Variants in DLGAP1 observed in about 807,000 individuals in gnomAD.
The protein encoded by DLGAP1 is disks large-associated protein 1.
DLGAP1 carries 11 observed loss-of-function variants against 90.8 expected under a neutral mutation model. That is an observed-to-expected ratio of 0.12 (90% CI 0.08 to 0.20). The LOEUF is 0.20. DLGAP1 is among the 10% of genes least tolerant of loss of function. DLGAP1 has a pLI of 1.00. For synonymous variants in DLGAP1, 558 were observed against 540.7 expected, an observed-to-expected ratio of 1.03 and a Z score of -0.44; for missense variants, 1,050 against 1,333.8, an observed-to-expected ratio of 0.79 and a Z score of 3.31.
chr18:3,577,646 A>G (rs2055236586), intron 8 of DLGAP1, among the ~76,000 whole-genome samples: 1 of 152,204 alleles, frequency 6.6e-6, no homozygotes, highest in African/African-American at 2.4e-5. Flanking sequence ...AATGGAGGAT[A>G]TTGTTCTCTG....
rs546936555 is a variant in DLGAP1 at position 4,421,934 on chromosome 18, G to A, written c.-267+33072C>T. On this transcript the variant is annotated intron_variant, in intron 1 of 12. Transcript: ENST00000315677. ...TCACCACGTTGGCCAGGCTGGTTTC[G>A]AACTCCTGACCTCAAGCAATCTGCC... 6.6e-5 allele frequency among the ~76,000 whole-genome samples: 10 copies of A among 152,074 alleles called. No homozygotes were observed. The South Asian group carries it at 8.3e-4, about 13-fold the overall frequency.
At chr18:4,297,459 GA>G (rs1193027322) in intron 1 of DLGAP1, among the ~76,000 whole-genome samples, 15 of 152,262 alleles carry the variant, frequency 9.9e-5, no homozygotes, top group African/African-American at 3.4e-4. Context: ...TACTTAATTA[GA>G]AATATAAAAT....
At chr18:3,848,895 T>C (rs2069177520) in intron 4 of DLGAP1, among the ~76,000 whole-genome samples, 1 of 152,190 alleles carries the variant, frequency 6.6e-6, no homozygotes, top group Non-Finnish European at 1.5e-5. Flanking sequence ...AAAGTAGATA[T>C]TAGCTTTCTT....
At chr18:3,833,391 G>T (rs1245159035) in intron 4 of DLGAP1, among the ~76,000 whole-genome samples, 1 of 151,740 alleles carries the variant, frequency 6.6e-6, no homozygotes, top group African/African-American at 2.4e-5. Context: ...ATGCCACCAC[G>T]CCCAGTTAAT....
chr18:3,837,849 CAAAAAAAAAAAAAA>C (rs5822770), intron 4 of DLGAP1, among the ~76,000 whole-genome samples: 19 of 26,820 alleles, frequency 7.1e-4, no homozygotes, highest in South Asian at 3.3e-3. Context: ...GAGATTCTGT[CAAAAAAAAAAAAAA>C]AAAAAAAAAA....
At chr18:4,137,920 T>C (rs1219051851) in intron 2 of DLGAP1, among the ~76,000 whole-genome samples, 1 of 152,210 alleles carries the variant, frequency 6.6e-6, no homozygotes, top group Non-Finnish European at 1.5e-5. Flanking sequence ...GATTGTTTGC[T>C]GTTGGCATAT....
At chr18:3,523,644 G>T (rs189901158) in intron 10 of DLGAP1, among the ~76,000 whole-genome samples, 8 of 151,640 alleles carry the variant, frequency 5.3e-5, no homozygotes, top group Admixed American at 2.0e-4. Flanking sequence ...TCAGGAGATC[G>T]AGACCATCCT....
intron 3 of DLGAP1, among the ~76,000 whole-genome samples, chr18:3,993,825 G>A (rs1170288992): frequency 2.6e-5 from 4 of 151,956 alleles, no homozygotes; most frequent in African/African-American, 4.8e-5. Flanking sequence ...CTTTTAAGTG[G>A]GCTTAAGACC....
At chr18:3,522,109 T>C (rs1359570674) in intron 10 of DLGAP1, among the ~76,000 whole-genome samples, 18 of 151,386 alleles carry the variant, frequency 1.2e-4, no homozygotes, top group Non-Finnish European at 2.4e-4. Flanking sequence ...CTTTTTTTTT[T>C]TACCCACTTG....
chr18:3,626,238 T>C (rs1180642605), intron 7 of DLGAP1, among the ~76,000 whole-genome samples: 1 of 145,088 alleles, frequency 6.9e-6, no homozygotes, highest in Non-Finnish European at 1.5e-5. Flanking sequence ...CTACAATGAG[T>C]AGTGATCGCG....
At chr18:3,943,330 C>A (rs1328014890) in intron 3 of DLGAP1, among the ~76,000 whole-genome samples, 1 of 152,080 alleles carries the variant, frequency 6.6e-6, no homozygotes, top group African/African-American at 2.4e-5. Context: ...GATCGCCAGG[C>A]TTTGCTGACT....
At chr18:3,841,987 G>A (rs570323540) in intron 4 of DLGAP1, among the ~76,000 whole-genome samples, 31 of 152,034 alleles carry the variant, frequency 2.0e-4, no homozygotes, top group Non-Finnish European at 2.4e-4. Context: ...TGCTATGAGA[G>A]CATATTGGGA....
intron 1 of DLGAP1, among the ~76,000 whole-genome samples, chr18:4,277,971 A>G (rs1282306621): frequency 6.6e-6 from 1 of 150,846 alleles, no homozygotes; most frequent in Non-Finnish European, 1.5e-5. Context: ...AGGAACCTGA[A>G]AAGTGGGAAA....
chr18:3,618,199 A>G (rs903583535), intron 7 of DLGAP1, among the ~76,000 whole-genome samples: 1 of 152,240 alleles, frequency 6.6e-6, no homozygotes, highest in African/African-American at 2.4e-5. Flanking sequence ...TGTTCCAGGA[A>G]GGACTTTGCA....
chr18:3,759,958 C>T (rs1193508740), intron 5 of DLGAP1, among the ~76,000 whole-genome samples: 2 of 152,190 alleles, frequency 1.3e-5, no homozygotes, highest in African/African-American at 4.8e-5. Flanking sequence ...GCCAGACACT[C>T]AGGATGCCGG....
At chr18:4,108,883 A>G (rs1654352219) in intron 2 of DLGAP1, among the ~76,000 whole-genome samples, 1 of 152,214 alleles carries the variant, frequency 6.6e-6, no homozygotes, top group African/African-American at 2.4e-5. Flanking sequence ...CTACCTCCAA[A>G]TAATGGAAGG....
At chr18:3,580,245 G>C (rs2055409917) in intron 8 of DLGAP1, 4 of 1,602,850 alleles carry the variant, frequency 2.5e-6, no homozygotes, top group Admixed American at 1.7e-5. Context: ...CATCTGAAAA[G>C]ACCAGTCAGT....
chr18:3,958,466 A>G (rs2073127161), intron 3 of DLGAP1, among the ~76,000 whole-genome samples: 1 of 151,336 alleles, frequency 6.6e-6, no homozygotes. Context: ...TAAGCAAAAA[A>G]AAAAAAAAAA....
intron 7 of DLGAP1, among the ~76,000 whole-genome samples, chr18:3,673,125 G>A (rs899096894): frequency 5.9e-5 from 9 of 152,034 alleles, no homozygotes; most frequent in Non-Finnish European, 1.2e-4. Flanking sequence ...CTTTGGCTTC[G>A]CTCTTTTACT....
Sources: allele counts gnomAD v4.1 joint callset (sites outside exome capture counted in the v4.1 genomes callset), GRCh38; gene constraint gnomAD v4.1.1; transcripts MANE v1.5; gene names NCBI Gene and HGNC (gene_info 2026-07-23, HGNC 2026-07-21).